The following VARS2 variants were observed in gnomAD, a reference collection of about 807,000 sequenced individuals.
VARS2 encodes the protein valine--tRNA ligase, mitochondrial.
In VARS2, 105 loss-of-function variants were observed where a neutral mutation model predicts 154.1. The observed-to-expected ratio is 0.68, with a 90% CI of 0.58 to 0.80. The LOEUF is 0.80. Among genes scored for constraint, VARS2 ranks in the 30% least tolerant of loss-of-function variants. VARS2 has a pLI of 0.00. For missense variants in VARS2, 1,157 were observed against 1,361.4 expected (o/e 0.85, Z 2.36); for synonymous variants, 483 against 539.5 (o/e 0.90, Z 1.45).
At chr6:30,924,750 C>T (rs1269588181) in intron 26 of VARS2, among the ~76,000 whole-genome samples, 190 bp downstream of exon 26, 2 of 152,142 alleles carry the variant, frequency 1.3e-5, no homozygotes, top group Non-Finnish European at 2.9e-5. Flanking sequence ...TAGCGTAGTG[C>T]TCAAGAGCAG....
At position 30,920,897 on chromosome 6, in the gene VARS2, C is replaced by T. The variant is rs1794467979; in HGVS notation, c.1479+148C>T. ...GAGGATGTGTGGGATGGAGGCTGGG[C>T]GGCCCAGCAAGGGCTGGCTCATATC... On this transcript the variant is annotated intron_variant, in intron 15 of 29. Transcript: ENST00000676266. The surrounding 1 kb of genome is among the most constrained non-coding windows in gnomAD (Gnocchi z 4.6). 8 of 1,100,056 alleles carry T rather than the reference C, an allele frequency of 7.3e-6. No homozygotes were observed. The highest frequency in any genetic ancestry group is 1.6e-5 in the South Asian group (1 of 60,920). The allele number at this position is 1,100,056 out of a possible 1,614,324, so 68.1% of individuals were successfully genotyped here. A position where few individuals can be genotyped will look rare whatever the true frequency, so the allele number is the denominator to read the frequency against.
At position 30,920,491 on chromosome 6, in the gene VARS2, G is replaced by A; in HGVS notation, c.1397+55G>A. 1.3e-6 allele frequency: 2 copies of A among 1,517,426 alleles called. No homozygotes were observed. The highest frequency in any genetic ancestry group is 1.3e-5 in the South Asian group (1 of 78,616). The allele number at this position is 1,517,426 out of a possible 1,614,324, so 94.0% of individuals were successfully genotyped here. A position where few individuals can be genotyped will look rare whatever the true frequency, so the allele number is the denominator to read the frequency against. ...GCTACCCCAAAAGGGAATGTATGGAGCTTAAGGGTGACAATAGGATGGGCT... is the reference window on the plus strand; with the variant it reads ...GCTACCCCAAAAGGGAATGTATGGAACTTAAGGGTGACAATAGGATGGGCT... On this transcript the variant is annotated intron_variant, in intron 14 of 29. Coordinates refer to ENST00000676266, the MANE Select transcript of VARS2 (RefSeq NM_020442.6). The surrounding 1 kb of genome is among the most constrained non-coding windows in gnomAD (Gnocchi z 4.6).
intron 10 of VARS2, among the ~76,000 whole-genome samples, chr6:30,918,575 C>T (rs1458236388): frequency 6.6e-6 from 1 of 152,206 alleles, no homozygotes; most frequent in African/African-American, 2.4e-5. Flanking sequence ...ATGCTGCCCC[C>T]ATTTCTTCCA....
chr6:30,920,594 G>T lies in VARS2; in HGVS notation c.1398-74G>T. On this transcript the variant is annotated intron_variant, in intron 14 of 29. Coordinates refer to ENST00000676266, the MANE Select transcript of VARS2 (RefSeq NM_020442.6). The surrounding 1 kb of genome is among the most constrained non-coding windows in gnomAD (Gnocchi z 4.6). ...ATCCTCAGTACCAAGGGCCTGGCAT[G>T]GCATGGGGTCTTGTGCCCCTGGGAG... 1 of 1,388,280 alleles carries T rather than the reference G, an allele frequency of 7.2e-7. No homozygotes were observed. The allele number at this position is 1,388,280 out of a possible 1,614,324, so 86.0% of individuals were successfully genotyped here.
intron 29 of VARS2, 42 bp from the exon 30 acceptor site, chr6:30,926,067 G>C: frequency 1.2e-6 from 2 of 1,612,922 alleles, no homozygotes; most frequent in Non-Finnish European, 1.7e-6. Context: ...GGCCAGGAGG[G>C]GCCTCATTCC....
Position 30,922,551 on chromosome 6 carries a change from G to A in VARS2, c.2034G>A (p.Met678Ile). 2.6e-6 allele frequency: 4 copies of A among 1,560,720 alleles called. No individual in the cohort carries two copies. Among genetic ancestry groups the A allele is most frequent in the Non-Finnish European group, 3.5e-6 (4 of 1,153,434 alleles). Reference protein sequence around the residue: ...DPRDIISGVEMQVLQEKLRSG... With the variant: ...DPRDIISGVEIQVLQEKLRSG... ...GAGACATCATCAGTGGGGTGGAGATGCAGGTGAGGACGAAGCACCCACTAG... is the reference window on the plus strand; with the variant it reads ...GAGACATCATCAGTGGGGTGGAGATACAGGTGAGGACGAAGCACCCACTAG... Residue 678 changes from methionine to isoleucine, a missense_variant, in exon 21 of 30, where the codon ATG becomes ATA. Transcript: ENST00000676266.
chr6:30,916,496 A>T lies in VARS2; in HGVS notation c.671+247A>T, dbSNP rs560535786. 1,482 of 310,244 alleles carry T rather than the reference A, an allele frequency of 4.8e-3. 17 individuals are homozygous for T. Among genetic ancestry groups the T allele is most frequent in the Admixed American group, 0.012 (264 of 21,960 alleles). The allele number at this position is 310,244 out of a possible 1,614,324, so 19.2% of individuals were successfully genotyped here. On this transcript the variant is annotated intron_variant, in intron 7 of 29. Coordinates refer to ENST00000676266, the MANE Select transcript of VARS2 (RefSeq NM_020442.6). This position sits in a 1 kb window ranked among gnomAD's most constrained non-coding sequence, Gnocchi z 4.0. The stretch of plus-strand genomic sequence containing the variant: ...TGTGTGTATTTATATATATATATAT[A>T]TTTTCTTTCTCTTTACTTACCCCAA...
Position 30,915,790 on chromosome 6 carries a change from C to G in VARS2, c.429C>G (p.Ile143Met), listed in dbSNP as rs540014430. 1 of 1,613,948 alleles carries G rather than the reference C, an allele frequency of 6.2e-7. No homozygotes were observed. The highest frequency in any genetic ancestry group is 1.3e-5 in the African/African-American group (1 of 75,048). Residue 143 changes from isoleucine to methionine, a missense_variant, in exon 5 of 30, where the codon ATC (isoleucine) becomes ATG (methionine). Physicochemically the swap from Ile to Met is conservative, Grantham distance 10. Coordinates refer to ENST00000676266, the MANE Select transcript of VARS2 (RefSeq NM_020442.6). Reference sequence around the variant, plus strand: ...CAGGGGAGACCTTTTCCATGTGTATCCCACCTCCCAATGTCACTGGCTCCC... The same window carrying G: ...CAGGGGAGACCTTTTCCATGTGTATGCCACCTCCCAATGTCACTGGCTCCC... ...QATGETFSMCIPPPNVTGSLH... is the reference protein window; with the variant it reads ...QATGETFSMCMPPPNVTGSLH...
In VARS2 at chr6:30,919,923, A is replaced by G; in HGVS notation, c.1165+75A>G. Reference sequence around the variant, plus strand: ...GGGGAGGGAACCAGGAGGAAGAGGAAGGTGGGAGTGGGAGATCCTCATATA... The same window carrying G: ...GGGGAGGGAACCAGGAGGAAGAGGAGGGTGGGAGTGGGAGATCCTCATATA... On this transcript the variant is annotated intron_variant, in intron 12 of 29. Transcript: ENST00000676266. The surrounding 1 kb of genome is among the most constrained non-coding windows in gnomAD (Gnocchi z 4.5). 3.4e-6 allele frequency: 5 copies of G among 1,483,344 alleles called. No homozygotes were observed. The highest frequency in any genetic ancestry group is 4.5e-6 in the Non-Finnish European group (5 of 1,106,690). The allele number at this position is 1,483,344 out of a possible 1,614,324, so 91.9% of individuals were successfully genotyped here.
intron 23 of VARS2, 24 bp downstream of exon 23, chr6:30,923,000 G>T (rs1317991125): frequency 6.2e-7 from 1 of 1,605,112 alleles, no homozygotes; most frequent in African/African-American, 1.3e-5. Context: ...AGGGGTGTCG[G>T]GGTGAGCAGA....
In VARS2 at chr6:30,917,788, C is replaced by G. The variant is rs1334544360; in HGVS notation, c.967C>G (p.Pro323Ala). 6.4e-7 allele frequency: 1 copy of G among 1,558,102 alleles called. No individual in the cohort carries two copies. The highest frequency in any genetic ancestry group is 1.2e-5 in the South Asian group (1 of 84,318). The change falls in exon 10 of 30, where the codon CCC (proline) becomes GCC (alanine). Residue 323 changes from proline (P) to alanine (A), a missense_variant. Pro to Ala is a conservative substitution (Grantham distance 27). Coordinates refer to ENST00000676266, the MANE Select transcript of VARS2 (RefSeq NM_020442.6). The surrounding 1 kb of genome is among the most constrained non-coding windows in gnomAD (Gnocchi z 4.4). Reference protein sequence around the residue: ...SFGLLFSVAFPVDGEPDAEVV... With the variant: ...SFGLLFSVAFAVDGEPDAEVV... The stretch of plus-strand genomic sequence containing the variant: ...TGGCCTCCTATTTTCTGTTGCCTTC[C>G]CCGTGGATGGAGAGCCTGGTGAGCA...
chr6:30,922,203 T>C lies in VARS2; in HGVS notation c.1894T>C (p.Leu632=), dbSNP rs750385314. The change falls in exon 20 of 30, where the codon TTG becomes CTG. Residue 632 remains leucine (L), a synonymous_variant. Transcript: ENST00000676266. ...LLFWVGRMVM[L]GTQLTGQLPF... ...GTTCTGGGTGGGCCGCATGGTCATG[T>C]TGGGGACCCAGCTCACAGGGCAGCT... is the stretch of plus-strand genomic sequence containing the variant. The C allele has an allele frequency of 7.4e-6, 12 of 1,612,706 alleles. No individual in the cohort carries two copies. The highest frequency in any genetic ancestry group is 8.5e-6 in the Non-Finnish European group (10 of 1,179,886).
rs530503188 is a variant in VARS2 at position 30,920,238 on chromosome 6, C to T, written c.1293+22C>T. 6.4e-7 allele frequency: 1 copy of T among 1,562,436 alleles called. No homozygotes were observed. Among genetic ancestry groups the T allele is most frequent in the South Asian group, 1.2e-5 (1 of 81,862 alleles). The stretch of plus-strand genomic sequence containing the variant: ...GCAGGTGGTACCACCCTATGTTACC[C>T]CATCCTTTGGGGGCTCTCTGTCCCC... On this transcript the variant is annotated intron_variant, in intron 13 of 29. Coordinates refer to ENST00000676266, the MANE Select transcript of VARS2 (RefSeq NM_020442.6). This position sits in a 1 kb window ranked among gnomAD's most constrained non-coding sequence, Gnocchi z 4.6.
Position 30,925,990 on chromosome 6 carries a change from G to A in VARS2, c.3072G>A (p.Gly1024=). Residue 1024 remains glycine, a synonymous_variant, in exon 29 of 30, where the codon GGG becomes GGA. Coordinates refer to ENST00000676266, the MANE Select transcript of VARS2 (RefSeq NM_020442.6). ...GGACCCCATCAGAAGGGGAGGCAGG[G>A]ACTCAGAGGCAACAAAAGGTAAGGC... ...TARTPSEGEA[G]TQRQQKLSSL... The A allele has an allele frequency of 6.2e-7, 1 of 1,613,102 alleles. No homozygotes were observed. The highest frequency in any genetic ancestry group is 8.5e-7 in the Non-Finnish European group (1 of 1,180,042).
chr6:30,918,991 C>G, intron 11 of VARS2, 76 bp downstream of exon 11: 1 of 1,328,938 alleles, frequency 7.5e-7, no homozygotes. Flanking sequence ...TAAATGGTGG[C>G]TCTTTCTCTC....
chr6:30,915,257 A>C lies in VARS2; in HGVS notation c.283+20A>C. ...AGAAAGGTAAGTAGAATAAGTAAGA[A>C]GGCCTTTTCTTTCACATATGTGTTG... On this transcript the variant is annotated intron_variant, in intron 3 of 29. Transcript: ENST00000676266. 1 of 1,613,516 alleles carries C rather than the reference A, an allele frequency of 6.2e-7. No individual in the cohort carries two copies. Among genetic ancestry groups the C allele is most frequent in the Non-Finnish European group, 8.5e-7 (1 of 1,179,410 alleles).
Position 30,916,191 on chromosome 6 carries a change from A to T in VARS2, c.613A>T (p.Arg205Trp). The change falls in exon 7 of 30, where the codon AGG becomes TGG. Residue 205 changes from arginine (R) to tryptophan (W), a missense_variant. Transcript: ENST00000676266. This position sits in a 1 kb window ranked among gnomAD's most constrained non-coding sequence, Gnocchi z 4.0. ...EKQLWKERGV[R>W]RHELSREAFL... ...ACAACTGTGGAAGGAACGGGGAGTG[A>T]GGAGACATGAGCTGAGCCGGGAGGC... 1 of 1,613,928 alleles carries T rather than the reference A, an allele frequency of 6.2e-7. No homozygotes were observed. Among genetic ancestry groups the T allele is most frequent in the South Asian group, 1.1e-5 (1 of 91,070 alleles).
At position 30,923,488 on chromosome 6, in the gene VARS2, C is replaced by T. The variant is rs1343061807; in HGVS notation, c.2449C>T (p.Leu817Phe). The T allele has an allele frequency of 1.9e-6, 3 of 1,611,112 alleles. No individual in the cohort carries two copies. Among genetic ancestry groups the T allele is most frequent in the Non-Finnish European group, 2.5e-6 (3 of 1,179,542 alleles). ...HALHHFWLHN[L>F]CDVYLEAVKP... ...CCTGCACCACTTCTGGCTTCACAAC[C>T]TCTGTGACGTCTACCTGGTGAGTGA... is the stretch of plus-strand genomic sequence containing the variant. Residue 817 changes from leucine to phenylalanine, a missense_variant, in exon 25 of 30, where the codon CTC becomes TTC. Leu to Phe is a conservative substitution (Grantham distance 22). Coordinates refer to ENST00000676266, the MANE Select transcript of VARS2 (RefSeq NM_020442.6).
chr6:30,923,252 T>G (rs1400865381), intron 24 of VARS2, 21 bp downstream of exon 24: 2 of 1,612,850 alleles, frequency 1.2e-6, no homozygotes, highest in Admixed American at 1.7e-5. Context: ...ACAGAGGTGC[T>G]TGGGAGTAGG....
Sources: gnomAD v4.1 joint callset for allele counts (sites outside exome capture counted in the v4.1 genomes callset) on GRCh38, gnomAD v4.1.1 for gene constraint, Gnocchi (gnomAD v3.1) non-coding constraint, MANE v1.5 for transcripts, NCBI Gene and HGNC (gene_info 2026-07-23, HGNC 2026-07-21) for gene names.